Variants in MIPOL1 observed in about 807,000 individuals in gnomAD.
The protein encoded by MIPOL1 is mirror-image polydactyly gene 1 protein.
In MIPOL1, 57 loss-of-function variants were observed where a neutral mutation model predicts 60.9. That is an observed-to-expected ratio of 0.94 (90% confidence interval 0.76 to 1.17). The LOEUF (loss-of-function observed/expected upper bound fraction) is 1.17. Among genes scored for constraint, MIPOL1 ranks in the 50% most tolerant of loss-of-function variants. The pLI is 0.00. For synonymous variants in MIPOL1, 179 were observed against 168.8 expected, an observed-to-expected ratio of 1.06 and a Z score of -0.47; for missense variants, 551 against 511.6, an observed-to-expected ratio of 1.08 and a Z score of -0.74.
intron 10 of MIPOL1, among the ~76,000 whole-genome samples, chr14:37,416,130 C>T (rs1004404232): frequency 3.3e-5 from 5 of 152,076 alleles, no homozygotes; most frequent in African/African-American, 4.8e-5. Flanking sequence ...TCACACATCA[C>T]TATACATATT....
chr14:37,375,367 C>T (rs2092746623), intron 10 of MIPOL1, among the ~76,000 whole-genome samples: 1 of 151,938 alleles, frequency 6.6e-6, no homozygotes, highest in Non-Finnish European at 1.5e-5. Context: ...GCCACCATGC[C>T]CTGCTGATTT....
chr14:37,434,972 A>G (rs1021364576), intron 11 of MIPOL1, among the ~76,000 whole-genome samples: 1 of 152,104 alleles, frequency 6.6e-6, no homozygotes, highest in Non-Finnish European at 1.5e-5. Flanking sequence ...GTGCATTTCA[A>G]CAATTGACTA....
intron 6 of MIPOL1, among the ~76,000 whole-genome samples, chr14:37,281,487 C>T (rs903140416): frequency 1.3e-5 from 2 of 152,186 alleles, no homozygotes; most frequent in Non-Finnish European, 2.9e-5. Context: ...TTACTGCAAC[C>T]TCCGCCTCCC....
chr14:37,291,965 A>C (rs1407691501), intron 7 of MIPOL1, among the ~76,000 whole-genome samples: 2 of 119,790 alleles, frequency 1.7e-5, no homozygotes, highest in East Asian at 2.5e-4. Flanking sequence ...TCACTCTGTC[A>C]CCCAGGCTGG....
chr14:37,442,458 G>C (rs899689772), intron 11 of MIPOL1, among the ~76,000 whole-genome samples: 5 of 152,008 alleles, frequency 3.3e-5, no homozygotes, highest in Admixed American at 2.0e-4. Context: ...AGTTTTCAAG[G>C]GGAATGATTC....
intron 12 of MIPOL1, among the ~76,000 whole-genome samples, chr14:37,526,815 ATG>A (rs1406780300): frequency 6.6e-6 from 1 of 152,126 alleles, no homozygotes; most frequent in East Asian, 1.9e-4. Flanking sequence ...GGTTCAAAAA[ATG>A]TGTGTTCTTT....
At chr14:37,220,801 A>G (rs1035917394) in intron 1 of MIPOL1, among the ~76,000 whole-genome samples, 4 of 152,092 alleles carry the variant, frequency 2.6e-5, no homozygotes, top group African/African-American at 4.8e-5. Flanking sequence ...ATTAATAGAG[A>G]GTCTCCCTCT....
At chr14:37,444,583 GAC>G (rs911364463) in intron 11 of MIPOL1, among the ~76,000 whole-genome samples, 1 of 152,108 alleles carries the variant, frequency 6.6e-6, no homozygotes, top group African/African-American at 2.4e-5. Context: ...TTTTATAAAA[GAC>G]ACAGTTGGAG....
intron 1 of MIPOL1, among the ~76,000 whole-genome samples, chr14:37,239,836 G>A (rs1379960309): frequency 6.6e-6 from 1 of 152,118 alleles, no homozygotes; most frequent in African/African-American, 2.4e-5. Context: ...ACAAGAAATT[G>A]GAACTATAAG....
At chr14:37,332,465 A>G (rs2153455250) in intron 9 of MIPOL1, among the ~76,000 whole-genome samples, 1 of 152,288 alleles carries the variant, frequency 6.6e-6, no homozygotes, top group South Asian at 2.1e-4. Context: ...AAACCTAACT[A>G]CTAATAGCCT....
intron 10 of MIPOL1, among the ~76,000 whole-genome samples, chr14:37,419,450 G>A (rs1181946321): frequency 1.3e-5 from 2 of 152,046 alleles, no homozygotes; most frequent in African/African-American, 4.8e-5. Context: ...GAACTATATA[G>A]TGAAAATGGG....
At chr14:37,387,281 C>A (rs577614245) in intron 10 of MIPOL1, among the ~76,000 whole-genome samples, 4 of 151,764 alleles carry the variant, frequency 2.6e-5, no homozygotes, top group South Asian at 4.1e-4. Flanking sequence ...GCATAAATTA[C>A]ATAAAAATAA....
In MIPOL1 at chr14:37,247,914, A is replaced by T; in HGVS notation, c.19+7A>T. 6.2e-7 allele frequency: 1 copy of T among 1,613,086 alleles called. No homozygotes were observed. On this transcript the variant is annotated splice_region_variant and intron_variant, in intron 3 of 12. Transcript: ENST00000684589. Reference sequence around the variant, plus strand: ...ATGGAGAACTGGTCAAAAGGTAAGGACTTTTAAGGTATTAATACCAAGCCC... The same window carrying T: ...ATGGAGAACTGGTCAAAAGGTAAGGTCTTTTAAGGTATTAATACCAAGCCC...
intron 11 of MIPOL1, among the ~76,000 whole-genome samples, chr14:37,428,463 C>G (rs903619854): frequency 2.6e-5 from 4 of 152,122 alleles, no homozygotes; most frequent in Non-Finnish European, 5.9e-5. Flanking sequence ...TGGCGTGTGC[C>G]TGTAATCCCA....
rs557223981 is a variant in MIPOL1, at chr14:37,540,201, C to G, written c.1263-6704C>G. Among the ~76,000 whole-genome samples, 22 of 152,288 alleles carry G rather than the reference C, an allele frequency of 1.4e-4. No individual in the cohort carries two copies. The South Asian group carries it at 4.6e-3, about 32-fold the overall frequency. On this transcript the variant is annotated intron_variant, in intron 12 of 12. Transcript: ENST00000684589. ...CCATTCTTACCACTTTCTAACAGTT[C>G]TTGTTTTCACTTTCTGTATGACTTT...
At chr14:37,350,859 T>G (rs2091303600) in intron 9 of MIPOL1, among the ~76,000 whole-genome samples, 1 of 152,164 alleles carries the variant, frequency 6.6e-6, no homozygotes. Flanking sequence ...ATTGTTTCAG[T>G]TAACATAATG....
At chr14:37,300,152 G>A (rs1299289630) in intron 7 of MIPOL1, among the ~76,000 whole-genome samples, 1 of 151,144 alleles carries the variant, frequency 6.6e-6, no homozygotes, top group African/African-American at 2.4e-5. Context: ...CCACTGTAAA[G>A]TTACTTACCT....
intron 12 of MIPOL1, among the ~76,000 whole-genome samples, chr14:37,526,369 C>CT (rs1191140443): frequency 0.015 from 1,859 of 128,160 alleles, 40 homozygotes; most frequent in African/African-American, 0.038. Flanking sequence ...TACTTCTTTT[C>CT]TTTTTTTTTT....
chr14:37,230,083 A>G (rs537538668), intron 1 of MIPOL1, among the ~76,000 whole-genome samples: 1 of 152,360 alleles, frequency 6.6e-6, no homozygotes, highest in East Asian at 1.9e-4. Context: ...TCACCACAAA[A>G]AAGACATGTG....
Sources: allele counts gnomAD v4.1 joint callset (sites outside exome capture counted in the v4.1 genomes callset), GRCh38; gene constraint gnomAD v4.1.1; transcripts MANE v1.5; gene names NCBI Gene and HGNC (gene_info 2026-07-23, HGNC 2026-07-21).